The following MUC17 variants were observed in gnomAD, a reference collection of about 807,000 sequenced individuals.
The protein encoded by MUC17 is mucin-17.
In MUC17, 190 loss-of-function variants were observed where a neutral mutation model predicts 170.3. That is an observed-to-expected ratio of 1.12 (90% CI 0.99 to 1.26). MUC17 has a LOEUF of 1.26. Ranked by LOEUF, MUC17 falls within the 50% of genes most tolerant of loss-of-function variation. The pLI, the probability that MUC17 is intolerant of heterozygous loss-of-function variation, is 0.00. For missense variants in MUC17, 6,415 were observed against 5,530.0 expected (o/e 1.16, Z -5.08); for synonymous variants, 2,325 against 2,002.5 (o/e 1.16, Z -4.30).
Position 101,043,757 on chromosome 7 carries a change from C to T in MUC17, c.12341C>T (p.Pro4114Leu). Reference sequence around the variant, plus strand: ...CCCACGGTGACCACCACCGCTGTCCCCACGAATACTACAATTAAGAGCAAC... The same window carrying T: ...CCCACGGTGACCACCACCGCTGTCCTCACGAATACTACAATTAAGAGCAAC... The part of the protein sequence containing the change: ...SFPTVTTTAV[P>L]TNTTIKSNPT... The change falls in exon 3 of 13, where the codon CCC becomes CTC. Residue 4114 changes from proline (P) to leucine (L), a missense_variant. Physicochemically the swap from Pro to Leu is moderately conservative, Grantham distance 98. Transcript: ENST00000306151. 3.7e-6 allele frequency: 6 copies of T among 1,614,096 alleles called. No homozygotes were observed. The highest frequency in any genetic ancestry group is 1.3e-5 in the African/African-American group (1 of 75,026).
In MUC17 at chr7:101,031,812, T is replaced by C. The variant is rs760144084; in HGVS notation, c.396T>C (p.Ser132=). Residue 132 remains serine (S), a synonymous_variant, in exon 3 of 13, where the codon TCT becomes TCC. Transcript: ENST00000306151. ...ACAGCACCACACTTTTCCCCAGTTC[T>C]ACTGAAGACACTTCATCTCCTACAA... ...TSDSTTLFPS[S]TEDTSSPTTP... is the part of the protein sequence containing the mutation. 6.2e-7 allele frequency: 1 copy of C among 1,612,310 alleles called. No individual in the cohort carries two copies. The highest frequency in any genetic ancestry group is 8.5e-7 in the Non-Finnish European group (1 of 1,178,318).
At chr7:101,026,521 C>T (rs923104358) in intron 1 of MUC17, among the ~76,000 whole-genome samples, 5 of 152,202 alleles carry the variant, frequency 3.3e-5, no homozygotes, top group Non-Finnish European at 5.9e-5. Flanking sequence ...TGGTTCTAGA[C>T]GAAACTGGTT....
At position 101,039,885 on chromosome 7, in the gene MUC17, C is replaced by G; in HGVS notation, c.8469C>G (p.Ala2823=). Residue 2823 remains alanine, a synonymous_variant, in exon 3 of 13, where the codon GCC becomes GCG. Transcript: ENST00000306151. ...TGCCTGTCAACCACACGCCAGTGGC[C>G]AGTTCTGAGGCTGGCACCCTTTCAA... ...TSMPVNHTPV[A]SSEAGTLSTT... is the part of the protein sequence containing the mutation. 6.2e-7 allele frequency: 1 copy of G among 1,612,940 alleles called. No homozygotes were observed. Among genetic ancestry groups the G allele is most frequent in the South Asian group, 1.1e-5 (1 of 91,022 alleles).
Position 101,036,842 on chromosome 7 carries a change from C to T in MUC17, c.5426C>T (p.Pro1809Leu). Residue 1809 changes from proline to leucine, a missense_variant, in exon 3 of 13, where the codon CCA becomes CTA. Physicochemically the swap from Pro to Leu is moderately conservative, Grantham distance 98 (BLOSUM62 -3). Coordinates refer to ENST00000306151, the MANE Select transcript of MUC17 (RefSeq NM_001040105.2). ...PTSTLSEGMTPLTSTPVSHTL... is the reference protein window; with the variant it reads ...PTSTLSEGMTLLTSTPVSHTL... ...TCGACTCTTAGTGAAGGAATGACTC[C>T]ATTAACAAGCACACCTGTCAGCCAC... The T allele has an allele frequency of 6.2e-7, 1 of 1,605,510 alleles. No individual in the cohort carries two copies. The highest frequency in any genetic ancestry group is 1.4e-5 in the African/African-American group (1 of 74,072).
Position 101,033,862 on chromosome 7 carries a change from A to G in MUC17, c.2446A>G (p.Thr816Ala). The G allele has an allele frequency of 6.2e-7, 1 of 1,613,508 alleles. No homozygotes were observed. Among genetic ancestry groups the G allele is most frequent in the East Asian group, 2.2e-5 (1 of 44,830 alleles). The change falls in exon 3 of 13, where the codon ACA (threonine) becomes GCA (alanine). Residue 816 changes from threonine (T) to alanine (A), a missense_variant. Physicochemically the swap from Thr to Ala is moderately conservative, Grantham distance 58. Transcript: ENST00000306151. ...ATTAACAAGTATACCTGTCAGCATC[A>G]CACCGGTGACCAGTCCTGAGGCTAG... ...PLLTSIPVSI[T>A]PVTSPEASTL...
In MUC17 at chr7:101,036,535, A is replaced by G. The variant is rs1794485590; in HGVS notation, c.5119A>G (p.Ile1707Val). The G allele has an allele frequency of 3.7e-6, 6 of 1,610,200 alleles. No individual in the cohort carries two copies. The highest frequency in any genetic ancestry group is 5.1e-6 in the Non-Finnish European group (6 of 1,177,924). ...AACAACACCGGTGGCCAGCTCTGCA[A>G]TCAGCACCCTTTCAACAACTCCCGT... Reference protein sequence around the residue: ...VRTTPVASSAISTLSTTPVDN... With the variant: ...VRTTPVASSAVSTLSTTPVDN... The change falls in exon 3 of 13, where the codon ATC becomes GTC. Residue 1707 changes from isoleucine to valine, a missense_variant. By Grantham distance (29) the Ile-to-Val change is conservative. Transcript: ENST00000306151.
chr7:101,036,594 A>G lies in MUC17; in HGVS notation c.5178A>G (p.Glu1726=). ...DNSTPVTTST[E]ARSSPTTSEG... ...GCACACCTGTGACCACTTCTACTGA[A>G]GCCCGTTCATCTCCTACAACTTCTG... The change falls in exon 3 of 13, where the codon GAA becomes GAG. Residue 1726 remains glutamate, a synonymous_variant. Coordinates refer to ENST00000306151, the MANE Select transcript of MUC17 (RefSeq NM_001040105.2). 6 of 1,613,192 alleles carry G rather than the reference A, an allele frequency of 3.7e-6. No homozygotes were observed. Among genetic ancestry groups the G allele is most frequent in the Non-Finnish European group, 5.1e-6 (6 of 1,179,564 alleles).
chr7:101,039,173 T>C lies in MUC17; in HGVS notation c.7757T>C (p.Leu2586Ser), dbSNP rs771311546. 67 of 1,613,814 alleles carry C rather than the reference T, an allele frequency of 4.2e-5. No individual in the cohort carries two copies. Among genetic ancestry groups the C allele is most frequent in the Non-Finnish European group, 5.3e-5 (63 of 1,179,904 alleles). ...AGTATGCCTGTCAGCACCAAGCCGTTGGCCAGTTCTGAGGCTAGCACTCTT... is the reference window on the plus strand; with the variant it reads ...AGTATGCCTGTCAGCACCAAGCCGTCGGCCAGTTCTGAGGCTAGCACTCTT... ...LRSMPVSTKP[L>S]ASSEASTLST... The change falls in exon 3 of 13, where the codon TTG becomes TCG. Residue 2586 changes from leucine to serine, a missense_variant. Coordinates refer to ENST00000306151, the MANE Select transcript of MUC17 (RefSeq NM_001040105.2).
rs749851043 is a variant in MUC17 at position 101,036,512 on chromosome 7, C to G, written c.5096C>G (p.Thr1699Arg). The G allele has an allele frequency of 6.2e-7, 1 of 1,607,816 alleles. No individual in the cohort carries two copies. ...RTPLTSITVR[T>R]TPVASSAIST... Reference sequence around the variant, plus strand: ...CCTTTAACAAGTATAACTGTCAGAACAACACCGGTGGCCAGCTCTGCAATC... The same window carrying G: ...CCTTTAACAAGTATAACTGTCAGAAGAACACCGGTGGCCAGCTCTGCAATC... The change falls in exon 3 of 13, where the codon ACA (threonine) becomes AGA (arginine). Residue 1699 changes from threonine (T) to arginine (R), a missense_variant. Coordinates refer to ENST00000306151, the MANE Select transcript of MUC17 (RefSeq NM_001040105.2).
Position 101,031,607 on chromosome 7 carries a change from C to A in MUC17, c.191C>A (p.Ala64Glu), listed in dbSNP as rs761973973. 3.9e-6 allele frequency: 6 copies of A among 1,528,010 alleles called. No individual in the cohort carries two copies. The South Asian group carries it at 5.3e-5, about 13-fold the overall frequency. The allele number at this position is 1,528,010 out of a possible 1,614,324, so 94.7% of individuals were successfully genotyped here. A position where few individuals can be genotyped will look rare whatever the true frequency, so the allele number is the denominator to read the frequency against. Residue 64 changes from alanine (A) to glutamate (E), a missense_variant, in exon 3 of 13, where the codon GCG (alanine) becomes GAG (glutamate). By Grantham distance (107) the Ala-to-Glu change is moderately radical (BLOSUM62 -1). Coordinates refer to ENST00000306151, the MANE Select transcript of MUC17 (RefSeq NM_001040105.2). ...ATCATTGTATCTTAAACAGGTTCTG[C>A]GGCAAACACCGCCACAGGTACAACA... ...QLSQHVRTGS[A>E]ANTATGTTST...
rs192554688 is a variant in MUC17, at chr7:101,037,280, C to T, written c.5864C>T (p.Thr1955Ile). ...TLSTTLADTR[T>I]PVTTYSQASS... ...TCAACAACTCTTGCTGACACCAGGA[C>T]ACCTGTGACCACTTATTCTCAAGCC... The change falls in exon 3 of 13, where the codon ACA (threonine) becomes ATA (isoleucine). Residue 1955 changes from threonine to isoleucine, a missense_variant. By Grantham distance (89) the Thr-to-Ile change is moderately conservative (BLOSUM62 -1). Transcript: ENST00000306151. The T allele has an allele frequency of 3.6e-5, 58 of 1,612,808 alleles. No individual in the cohort carries two copies. In the South Asian group the frequency reaches 5.1e-4, roughly 14 times the overall value.
At position 101,031,237 on chromosome 7, in the gene MUC17, C is replaced by T; in HGVS notation, c.184+16C>T. On this transcript the variant is annotated intron_variant, in intron 2 of 12. Coordinates refer to ENST00000306151, the MANE Select transcript of MUC17 (RefSeq NM_001040105.2). Reference sequence around the variant, plus strand: ...GTTAGGACAGGTAAGGCAACAGACTCCAAGATCTATCTGGGAAGGTGGCTC... The same window carrying T: ...GTTAGGACAGGTAAGGCAACAGACTTCAAGATCTATCTGGGAAGGTGGCTC... The T allele has an allele frequency of 1.2e-6, 2 of 1,605,670 alleles. No homozygotes were observed. Among genetic ancestry groups the T allele is most frequent in the Non-Finnish European group, 1.7e-6 (2 of 1,175,760 alleles).
rs776870092 is a variant in MUC17, at chr7:101,037,227, A to C, written c.5811A>C (p.Thr1937=). The part of the protein sequence containing the change: ...PLTSIPVSTT[T]VASSEINTLS... ...CAAGTATACCTGTCAGCACCACAAC[A>C]GTGGCCAGTTCTGAAATCAACACCC... The change falls in exon 3 of 13, where the codon ACA becomes ACC. Residue 1937 remains threonine, a synonymous_variant. Coordinates refer to ENST00000306151, the MANE Select transcript of MUC17 (RefSeq NM_001040105.2). 121 of 1,611,276 alleles carry C rather than the reference A, an allele frequency of 7.5e-5. No individual in the cohort carries two copies. The Admixed American group carries it at 2.0e-3, about 26-fold the overall frequency.
chr7:101,039,270 A>G lies in MUC17; in HGVS notation c.7854A>G (p.Ala2618=), dbSNP rs775294449. Residue 2618 remains alanine, a synonymous_variant, in exon 3 of 13, where the codon GCA becomes GCG. Coordinates refer to ENST00000306151, the MANE Select transcript of MUC17 (RefSeq NM_001040105.2). Reference sequence around the variant, plus strand: ...AAACCAGTTCATCTCCTACAACTGCAAAAGATACCAGCATGCCAATCTCAA... The same window carrying G: ...AAACCAGTTCATCTCCTACAACTGCGAAAGATACCAGCATGCCAATCTCAA... ...STETSSSPTT[A]KDTSMPISTP... 6.2e-7 allele frequency: 1 copy of G among 1,604,450 alleles called. No individual in the cohort carries two copies. The highest frequency in any genetic ancestry group is 1.1e-5 in the South Asian group (1 of 90,544).
chr7:101,037,681 G>A lies in MUC17; in HGVS notation c.6265G>A (p.Gly2089Ser), dbSNP rs1296972084. The stretch of plus-strand genomic sequence containing the variant: ...AGCCAGTTCATCTGCAACCGCTGAA[G>A]GTAGCAGCATGACAATCTCAGCTCC... ...TEASSSATAE[G>S]SSMTISAPSE... Residue 2089 changes from glycine (G) to serine (S), a missense_variant, in exon 3 of 13, where the codon GGT (glycine) becomes AGT (serine). Coordinates refer to ENST00000306151, the MANE Select transcript of MUC17 (RefSeq NM_001040105.2). 1 of 1,613,168 alleles carries A rather than the reference G, an allele frequency of 6.2e-7. No homozygotes were observed. Among genetic ancestry groups the A allele is most frequent in the South Asian group, 1.1e-5 (1 of 90,968 alleles).
rs1483821222 is a variant in MUC17, at chr7:101,033,383, C to G, written c.1967C>G (p.Ser656Cys). The G allele has an allele frequency of 1.2e-6, 2 of 1,613,906 alleles. No individual in the cohort carries two copies. The highest frequency in any genetic ancestry group is 1.7e-6 in the Non-Finnish European group (2 of 1,179,952). ...ASTLSTTPVDSNTPVTTSTEA... is the reference protein window; with the variant it reads ...ASTLSTTPVDCNTPVTTSTEA... The stretch of plus-strand genomic sequence containing the variant: ...ACCCTTTCAACAACTCCTGTTGACT[C>G]CAACACTCCTGTGACCACTTCAACT... Residue 656 changes from serine (S) to cysteine (C), a missense_variant, in exon 3 of 13, where the codon TCC becomes TGC. By Grantham distance (112) the Ser-to-Cys change is moderately radical. Transcript: ENST00000306151.
At chr7:101,022,130 A>G (rs1794102173) in intron 1 of MUC17, among the ~76,000 whole-genome samples, 1 of 143,782 alleles carries the variant, frequency 7.0e-6, no homozygotes, top group African/African-American at 2.6e-5. Flanking sequence ...TAGCACTTCC[A>G]TCACCATCCC....
At position 101,039,614 on chromosome 7, in the gene MUC17, C is replaced by T. The variant is rs1253659712; in HGVS notation, c.8198C>T (p.Pro2733Leu). The change falls in exon 3 of 13, where the codon CCT becomes CTT. Residue 2733 changes from proline (P) to leucine (L), a missense_variant. Pro to Leu is a moderately conservative substitution (Grantham distance 98). Coordinates refer to ENST00000306151, the MANE Select transcript of MUC17 (RefSeq NM_001040105.2). ...VTTSAEASSS[P>L]TTAEGTSMRI... ...ACTTCTGCTGAAGCCAGTTCTTCTC[C>T]TACAACTGCTGAAGGTACCAGCATG... 1.9e-6 allele frequency: 3 copies of T among 1,612,896 alleles called. No homozygotes were observed. The Admixed American group carries it at 5.0e-5, about 27-fold the overall frequency.
At position 101,043,782 on chromosome 7, in the gene MUC17, C is replaced by T; in HGVS notation, c.12366C>T (p.Asn4122=). The T allele has an allele frequency of 6.2e-7, 1 of 1,611,938 alleles. No individual in the cohort carries two copies. The highest frequency in any genetic ancestry group is 8.5e-7 in the Non-Finnish European group (1 of 1,178,458). Residue 4122 remains asparagine, a synonymous_variant, in exon 3 of 13, where the codon AAC becomes AAT. Transcript: ENST00000306151. ...CCACGAATACTACAATTAAGAGCAA[C>T]CCCACCTCAACTCCTACTGTGCCAA... is the stretch of plus-strand genomic sequence containing the variant. ...AVPTNTTIKS[N]PTSTPTVPRT... is the part of the protein sequence containing the mutation.
Sources: gnomAD v4.1 joint callset for allele counts (sites outside exome capture counted in the v4.1 genomes callset) on GRCh38, gnomAD v4.1.1 for gene constraint, MANE v1.5 for transcripts, NCBI Gene and HGNC (gene_info 2026-07-23, HGNC 2026-07-21) for gene names.